The following ELP4 variants were observed in gnomAD, a reference collection of about 807,000 sequenced individuals.
ELP4 encodes elongator acetyltransferase complex subunit 4.
Under a neutral mutation model 48.9 loss-of-function variants are expected in ELP4, and 51 were observed. The ratio of observed to expected loss-of-function variants is 1.04; its 90% confidence interval spans 0.83 to 1.32. The LOEUF (loss-of-function observed/expected upper bound fraction) is 1.32. Ranked by LOEUF, ELP4 falls within the 40% of genes most tolerant of loss-of-function variation. ELP4 has a pLI of 0.00. For missense variants in ELP4, 519 were observed against 514.6 expected (o/e 1.01, Z -0.08); for synonymous variants, 210 against 189.2 (o/e 1.11, Z -0.90).
intron 3 of ELP4, among the ~76,000 whole-genome samples, chr11:31,560,002 G>T (rs1956991781): frequency 6.6e-6 from 1 of 150,852 alleles, no homozygotes; most frequent in Non-Finnish European, 1.5e-5. Context: ...AAAATAAAAT[G>T]ATATCCAATC....
intron 3 of ELP4, among the ~76,000 whole-genome samples, chr11:31,585,954 A>G (rs1269212892): frequency 6.6e-6 from 1 of 152,164 alleles, no homozygotes; most frequent in East Asian, 1.9e-4. Flanking sequence ...GATTGGTGGC[A>G]TGTGCCTGTA....
intron 9 of ELP4, among the ~76,000 whole-genome samples, chr11:31,769,824 A>G (rs935437541): frequency 6.6e-6 from 1 of 152,218 alleles, no homozygotes; most frequent in African/African-American, 2.4e-5. Context: ...ATTCTCATTT[A>G]ATTAGTAGTT....
At chr11:31,632,105 A>G in intron 6 of ELP4, 112 bp from the exon 7 acceptor site, 1 of 805,272 alleles carries the variant, frequency 1.2e-6, no homozygotes, top group Non-Finnish European at 1.9e-6. Context: ...TTTTTAACAC[A>G]TCTATTGACA....
At chr11:31,558,938 T>C (rs897632127) in intron 3 of ELP4, among the ~76,000 whole-genome samples, 3 of 152,130 alleles carry the variant, frequency 2.0e-5, no homozygotes, top group East Asian at 1.9e-4. Flanking sequence ...TGAATACTTA[T>C]TTTTTCAGAA....
At chr11:31,705,502 C>T (rs532600318) in intron 9 of ELP4, among the ~76,000 whole-genome samples, 3 of 152,208 alleles carry the variant, frequency 2.0e-5, no homozygotes, top group Admixed American at 6.5e-5. Flanking sequence ...CTTTGGATTG[C>T]GACAAACACA....
intron 9 of ELP4, among the ~76,000 whole-genome samples, chr11:31,725,474 C>G (rs752633006): frequency 7.9e-5 from 12 of 152,310 alleles, no homozygotes; most frequent in Non-Finnish European, 1.6e-4. Flanking sequence ...CCATTTCTCT[C>G]TAGTTCTCCC....
chr11:31,575,399 A>G (rs1313462496), intron 3 of ELP4, among the ~76,000 whole-genome samples: 1 of 152,198 alleles, frequency 6.6e-6, no homozygotes, highest in East Asian at 1.9e-4. Flanking sequence ...TCCCCAATCT[A>G]GCAAGGCAGG....
chr11:31,620,687 C>T (rs1384291143), intron 5 of ELP4, among the ~76,000 whole-genome samples: 2 of 151,858 alleles, frequency 1.3e-5, no homozygotes, highest in African/African-American at 4.8e-5. Context: ...TTGTTTACAT[C>T]AGTAATTAAA....
intron 9 of ELP4, among the ~76,000 whole-genome samples, chr11:31,683,270 A>G (rs1454249999): frequency 6.6e-6 from 1 of 152,118 alleles, no homozygotes; most frequent in Non-Finnish European, 1.5e-5. Flanking sequence ...AGGAGCTTTT[A>G]TGGTGTCTTG....
chr11:31,562,441 A>G (rs1404989263), intron 3 of ELP4, among the ~76,000 whole-genome samples: 2 of 152,198 alleles, frequency 1.3e-5, no homozygotes, highest in Non-Finnish European at 2.9e-5. Flanking sequence ...CATGTTAAAG[A>G]GAAATGTGAT....
At chr11:31,745,457 A>G (rs1947564933) in intron 9 of ELP4, among the ~76,000 whole-genome samples, 1 of 152,220 alleles carries the variant, frequency 6.6e-6, no homozygotes, top group Admixed American at 6.5e-5. Flanking sequence ...AAAAGAACAA[A>G]GCTGGAGGCA....
chr11:31,720,163 A>C (rs1052490761), intron 9 of ELP4, among the ~76,000 whole-genome samples: 2 of 152,102 alleles, frequency 1.3e-5, no homozygotes, highest in Non-Finnish European at 2.9e-5. Context: ...GAAACCTTTA[A>C]GATAAATAAT....
chr11:31,686,484 A>G (rs966902806), intron 9 of ELP4, among the ~76,000 whole-genome samples: 1 of 152,202 alleles, frequency 6.6e-6, no homozygotes, highest in African/African-American at 2.4e-5. Flanking sequence ...GAGGCAGATC[A>G]TGATGTGATT....
chr11:31,670,448 G>A (rs916054482), intron 9 of ELP4, among the ~76,000 whole-genome samples: 9 of 152,078 alleles, frequency 5.9e-5, no homozygotes, highest in Non-Finnish European at 8.8e-5. Context: ...TTCAGTTTGC[G>A]AAGTGTTGTG....
At chr11:31,589,884 T>G (rs996681388) in intron 3 of ELP4, among the ~76,000 whole-genome samples, 16 of 152,190 alleles carry the variant, frequency 1.1e-4, no homozygotes, top group Non-Finnish European at 1.9e-4. Flanking sequence ...TTATGATACA[T>G]TATTATCATG....
chr11:31,660,625 C>G (rs1427609013), intron 9 of ELP4, among the ~76,000 whole-genome samples: 1 of 151,852 alleles, frequency 6.6e-6, no homozygotes, highest in Non-Finnish European at 1.5e-5. Flanking sequence ...AAATTGCTTA[C>G]ACATATGTAT....
chr11:31,695,714 A>G (rs1156304502), intron 9 of ELP4, among the ~76,000 whole-genome samples: 4 of 147,122 alleles, frequency 2.7e-5, no homozygotes, highest in Non-Finnish European at 3.0e-5. Context: ...CTCTTTTTCT[A>G]TTGATTGGAA....
rs67986763 is a variant in ELP4, at chr11:31,623,390, T to TATATAAATATATATATAA, written c.654-3719_654-3718insTATAAATATATATATAAA. 4.1e-3 allele frequency among the ~76,000 whole-genome samples: 379 copies of TATATAAATATATATATAA among 92,570 alleles called. 15 individuals carry two copies. The highest frequency in any genetic ancestry group is 7.1e-3 in the African/African-American group (199 of 27,936). 60.7% of individuals were successfully genotyped at this position (92,570 alleles called of 152,430 possible). A position where few individuals can be genotyped will look rare whatever the true frequency, so the allele number is the denominator to read the frequency against. Reference sequence around the variant, plus strand: ...ATATATATATATATATATATATATATAAAACTAGAAACATTGCTGGCAAAG... The same window carrying TATATAAATATATATATAA: ...ATATATATATATATATATATATATATATATAAATATATATATAAAAAACTAGAAACATTGCTGGCAAAG... On this transcript the variant is annotated intron_variant, in intron 5 of 9. Coordinates refer to ENST00000640961, the MANE Select transcript of ELP4 (RefSeq NM_019040.5).
intron 3 of ELP4, among the ~76,000 whole-genome samples, chr11:31,561,236 T>C (rs775770432): frequency 2.6e-5 from 4 of 152,138 alleles, no homozygotes; most frequent in Non-Finnish European, 4.4e-5. Context: ...TTGTACTGAG[T>C]ATACAATATA....
Sources: allele counts gnomAD v4.1 joint callset (sites outside exome capture counted in the v4.1 genomes callset), GRCh38; gene constraint gnomAD v4.1.1; transcripts MANE v1.5; gene names NCBI Gene and HGNC (gene_info 2026-07-23, HGNC 2026-07-21).